PTPRD: variants seen among roughly 807,000 people sequenced by gnomAD.
The protein encoded by PTPRD is receptor-type tyrosine-protein phosphatase delta.
Under a neutral mutation model 214.5 loss-of-function variants are expected in PTPRD, and 34 were observed. The observed-to-expected ratio is 0.16, with a 90% CI of 0.12 to 0.21. The LOEUF is 0.21. PTPRD is among the 10% of genes least tolerant of loss of function. The pLI, the probability that PTPRD is intolerant of heterozygous loss-of-function variation, is 1.00. For synonymous variants in PTPRD, 1,128 were observed against 845.7 expected (o/e 1.33, Z -5.79); for missense variants, 2,545 against 2,398.7 (o/e 1.06, Z -1.27).
chr9:8,742,353 C>T (rs574606605), intron 11 of PTPRD, among the ~76,000 whole-genome samples: 83 of 152,158 alleles, frequency 5.5e-4, no homozygotes, highest in Non-Finnish European at 3.8e-4. Flanking sequence ...ATATAGTTAT[C>T]ATTTTTATAA....
At chr9:8,953,546 G>C (rs1483635958) in intron 11 of PTPRD, among the ~76,000 whole-genome samples, 1 of 151,778 alleles carries the variant, frequency 6.6e-6, no homozygotes, top group African/African-American at 2.4e-5. Context: ...AATTATCAAG[G>C]GAGTAAACAG....
intron 5 of PTPRD, among the ~76,000 whole-genome samples, chr9:9,839,377 C>G (rs547969759): frequency 2.0e-4 from 30 of 152,134 alleles, no homozygotes; most frequent in Non-Finnish European, 4.3e-4. Context: ...AATCAATGTA[C>G]AAAAATCACA....
intron 6 of PTPRD, among the ~76,000 whole-genome samples, chr9:9,752,525 TGA>T (rs34339075): frequency 0.044 from 6,649 of 152,048 alleles, 723 homozygotes; most frequent in East Asian, 0.4. Context: ...CAAAATTCTG[TGA>T]GTTTGATTTT....
At chr9:9,846,724 A>T (rs1215213904) in intron 5 of PTPRD, among the ~76,000 whole-genome samples, 1 of 152,134 alleles carries the variant, frequency 6.6e-6, no homozygotes, top group Non-Finnish European at 1.5e-5. Context: ...AACCAAATGA[A>T]AGAAAAATGA....
chr9:9,011,182 G>A (rs1197099515), intron 11 of PTPRD, among the ~76,000 whole-genome samples: 1 of 152,022 alleles, frequency 6.6e-6, no homozygotes, highest in Non-Finnish European at 1.5e-5. Flanking sequence ...ACAAAAGTGG[G>A]GGGAGTCTTT....
At chr9:8,555,422 A>C (rs890951401) in intron 14 of PTPRD, among the ~76,000 whole-genome samples, 16 of 152,180 alleles carry the variant, frequency 1.1e-4, no homozygotes, top group African/African-American at 3.6e-4. Flanking sequence ...AAGGGAGTAA[A>C]AGCAAACAAA....
At chr9:8,405,743 A>G (rs1429679740) in intron 35 of PTPRD, among the ~76,000 whole-genome samples, 3 of 152,166 alleles carry the variant, frequency 2.0e-5, no homozygotes, top group Non-Finnish European at 1.5e-5. Flanking sequence ...ATACCCAGGT[A>G]ATTTTTTTAA....
rs189113003 is a variant in PTPRD at position 8,822,897 on chromosome 9, G to A, written c.-103-88951C>T. 7.2e-5 allele frequency among the ~76,000 whole-genome samples: 11 copies of A among 152,178 alleles called. 1 individual carries two copies. The East Asian group carries it at 1.9e-3, about 27-fold the overall frequency. ...GGTTAGAAAGCAGAAAGGATTAACAGATTTCCATTCCTCCAAACTAAGCCC... is the reference window on the plus strand; with the variant it reads ...GGTTAGAAAGCAGAAAGGATTAACAAATTTCCATTCCTCCAAACTAAGCCC... On this transcript the variant is annotated intron_variant, in intron 11 of 45. Coordinates refer to ENST00000381196, the MANE Select transcript of PTPRD (RefSeq NM_002839.4).
At chr9:8,522,369 T>C (rs72694779) in intron 19 of PTPRD, among the ~76,000 whole-genome samples, 311 of 152,186 alleles carry the variant, frequency 2.0e-3, no homozygotes, top group Non-Finnish European at 3.8e-3. Context: ...CACAGGGACT[T>C]AGGGGATGAC....
intron 8 of PTPRD, among the ~76,000 whole-genome samples, chr9:9,408,457 G>A (rs2141771797): frequency 6.6e-6 from 1 of 151,808 alleles, no homozygotes; most frequent in East Asian, 1.9e-4. Context: ...ATTCATACCT[G>A]CATTACTTGT....
intron 2 of PTPRD, among the ~76,000 whole-genome samples, chr9:10,497,499 C>A (rs1023554184): frequency 6.6e-6 from 1 of 151,930 alleles, no homozygotes; most frequent in African/African-American, 2.4e-5. Flanking sequence ...GGTTAGTCAT[C>A]TGGTTTTCAG....
chr9:10,190,387 A>G (rs559188996), intron 3 of PTPRD, among the ~76,000 whole-genome samples: 189 of 6,300 alleles, frequency 0.03, 2 homozygotes, highest in African/African-American at 0.18. Flanking sequence ...CTATCTCCAG[A>G]AAAAAAAAAA....
intron 10 of PTPRD, among the ~76,000 whole-genome samples, chr9:9,083,854 C>T (rs2099762804): frequency 6.6e-6 from 1 of 152,098 alleles, no homozygotes; most frequent in African/African-American, 2.4e-5. Flanking sequence ...CACAACAAGA[C>T]ACCATCTCAC....
intron 4 of PTPRD, among the ~76,000 whole-genome samples, chr9:10,000,590 G>C (rs1191565705): frequency 2.0e-5 from 3 of 152,182 alleles, no homozygotes; most frequent in South Asian, 2.1e-4. Context: ...TAATACAGGA[G>C]TTATTAAGAA....
intron 11 of PTPRD, among the ~76,000 whole-genome samples, chr9:8,805,314 C>G (rs1012516589): frequency 1.3e-5 from 2 of 152,080 alleles, no homozygotes; most frequent in African/African-American, 4.8e-5. Context: ...TTCATTTTCC[C>G]CATTTGAAGG....
At chr9:9,381,977 C>T (rs1481289310) in intron 9 of PTPRD, among the ~76,000 whole-genome samples, 1 of 151,786 alleles carries the variant, frequency 6.6e-6, no homozygotes, top group Non-Finnish European at 1.5e-5. Flanking sequence ...GTAGTATGCA[C>T]ATTTTAAAAA....
intron 3 of PTPRD, among the ~76,000 whole-genome samples, chr9:10,142,363 G>A (rs1006323084): frequency 4.0e-5 from 6 of 151,354 alleles, no homozygotes; most frequent in South Asian, 2.1e-4. Context: ...GAAAATTTTC[G>A]CAACCTACTC....
At chr9:9,122,846 C>G (rs2099818911) in intron 10 of PTPRD, among the ~76,000 whole-genome samples, 1 of 152,174 alleles carries the variant, frequency 6.6e-6, no homozygotes, top group Non-Finnish European at 1.5e-5. Context: ...ATAAACAGTA[C>G]AAACCCAATC....
chr9:10,119,928 C>G (rs546701767), intron 3 of PTPRD, among the ~76,000 whole-genome samples: 1 of 151,948 alleles, frequency 6.6e-6, no homozygotes, highest in East Asian at 1.9e-4. Context: ...GGCATTTTGG[C>G]CCACTTCAAA....
Sources: allele counts gnomAD v4.1 joint callset (sites outside exome capture counted in the v4.1 genomes callset), GRCh38; gene constraint gnomAD v4.1.1; transcripts MANE v1.5; gene names NCBI Gene and HGNC (gene_info 2026-07-23, HGNC 2026-07-21).